MAD1L1: variants seen among roughly 807,000 people sequenced by gnomAD.
MAD1L1 encodes mitotic spindle assembly checkpoint protein MAD1.
Under a neutral mutation model 96.9 loss-of-function variants are expected in MAD1L1, and 95 were observed. That is an observed-to-expected ratio of 0.98 (90% CI 0.83 to 1.16). The LOEUF is 1.16. Among genes scored for constraint, MAD1L1 ranks in the 50% most tolerant of loss-of-function variants. The pLI, the probability that MAD1L1 is intolerant of heterozygous loss-of-function variation, is 0.00. For synonymous variants in MAD1L1, 473 were observed against 396.6 expected, an observed-to-expected ratio of 1.19 and a Z score of -2.29; for missense variants, 1,007 against 954.4, an observed-to-expected ratio of 1.06 and a Z score of -0.73.
intron 12 of MAD1L1, among the ~76,000 whole-genome samples, chr7:2,015,222 C>T (rs1006277079): frequency 2.0e-5 from 3 of 152,180 alleles, no homozygotes; most frequent in Non-Finnish European, 2.9e-5. Context: ...ACCCATCGCT[C>T]GTCCAACCGC....
rs1434780813 is a variant in MAD1L1, at chr7:1,950,129, T to C, written c.1596+7500A>G. On this transcript the variant is annotated intron_variant, in intron 16 of 18. Coordinates refer to ENST00000265854, the MANE Select transcript of MAD1L1 (RefSeq NM_001013836.2). ...CTCGTGGGCCAGGCGTGCATGCCCA[T>C]GCCTGCCCAGGCAGCAGACGCAGGG... Among the ~76,000 whole-genome samples, 6 of 152,168 alleles carry C rather than the reference T, an allele frequency of 3.9e-5. No homozygotes were observed. The East Asian group carries it at 1.2e-3, about 29-fold the overall frequency.
rs1281140411 is a variant in MAD1L1, at chr7:2,142,246, A to C, written c.1073+6906T>G. Among the ~76,000 whole-genome samples, 5 of 152,360 alleles carry C rather than the reference A, an allele frequency of 3.3e-5. No homozygotes were observed. Among genetic ancestry groups the C allele is most frequent in the African/African-American group, 1.2e-4 (5 of 41,588 alleles). ...GCCTTCGCCAAAGAACAAGGCAGGCACGTGCCAGCATCCGCACTGGAACCA... is the reference window on the plus strand; with the variant it reads ...GCCTTCGCCAAAGAACAAGGCAGGCCCGTGCCAGCATCCGCACTGGAACCA... On this transcript the variant is annotated intron_variant, in intron 11 of 18. Coordinates refer to ENST00000265854, the MANE Select transcript of MAD1L1 (RefSeq NM_001013836.2). This position sits in a 1 kb window ranked among gnomAD's most constrained non-coding sequence, Gnocchi z 4.7.
chr7:1,995,463 C>A (rs1043571048), intron 14 of MAD1L1, among the ~76,000 whole-genome samples: 8 of 152,312 alleles, frequency 5.3e-5, no homozygotes, highest in African/African-American at 1.9e-4. Context: ...GAAGCACCTG[C>A]CTGTGGCCAC....
At chr7:1,963,669 G>A (rs766226633) in intron 15 of MAD1L1, among the ~76,000 whole-genome samples, 10 of 152,182 alleles carry the variant, frequency 6.6e-5, no homozygotes, top group African/African-American at 1.9e-4. Context: ...ACATGCTTCC[G>A]GAGGCGAGGC....
intron 18 of MAD1L1, among the ~76,000 whole-genome samples, chr7:1,859,516 C>T (rs1396812323): frequency 6.6e-6 from 1 of 152,222 alleles, no homozygotes; most frequent in Non-Finnish European, 1.5e-5. Context: ...CTGGAAGCCC[C>T]ACAAGTGGGA....
intron 10 of MAD1L1, among the ~76,000 whole-genome samples, chr7:2,183,671 A>G (rs951447461): frequency 6.6e-6 from 1 of 151,356 alleles, no homozygotes; most frequent in Non-Finnish European, 1.5e-5. Context: ...CAAACACCGC[A>G]TGTTCTCACT....
chr7:2,032,088 C>T (rs4470910), intron 12 of MAD1L1, among the ~76,000 whole-genome samples: 24,987 of 152,284 alleles, frequency 0.16, 2,610 homozygotes, highest in Middle Eastern at 0.3. Context: ...AGGCACACTC[C>T]GGGCCTTGTG....
intron 3 of MAD1L1, among the ~76,000 whole-genome samples, chr7:2,229,208 G>C (rs897598455): frequency 6.6e-6 from 1 of 152,172 alleles, no homozygotes; most frequent in African/African-American, 2.4e-5. Context: ...ACCGCAGCAG[G>C]GACTGGGAAA....
intron 11 of MAD1L1, among the ~76,000 whole-genome samples, chr7:2,116,377 C>T (rs905114404): frequency 6.6e-6 from 1 of 152,234 alleles, no homozygotes; most frequent in Non-Finnish European, 1.5e-5. Context: ...ACAAACGCTT[C>T]CTGAACGGGA....
chr7:1,908,563 A>C (rs532839629), intron 17 of MAD1L1, among the ~76,000 whole-genome samples: 2 of 152,186 alleles, frequency 1.3e-5, no homozygotes, highest in South Asian at 4.1e-4. Context: ...ATATATTTTT[A>C]GGGTCTTTCT....
At chr7:1,857,335 CG>C in intron 18 of MAD1L1, among the ~76,000 whole-genome samples, 1 of 152,260 alleles carries the variant, frequency 6.6e-6, no homozygotes, top group East Asian at 1.9e-4. Flanking sequence ...TTGCTGTGCT[CG>C]GGGGGCGGCA....
chr7:2,144,384 G>C (rs1197507432), intron 11 of MAD1L1, among the ~76,000 whole-genome samples: 1 of 152,206 alleles, frequency 6.6e-6, no homozygotes, highest in Non-Finnish European at 1.5e-5. Flanking sequence ...ACGGGGTCCT[G>C]AGAGGCCCCG....
At position 2,216,158 on chromosome 7, in the gene MAD1L1, G is replaced by C; in HGVS notation, c.808C>G (p.Arg270Gly). Residue 270 changes from arginine (R) to glycine (G), a missense_variant and splice_region_variant, in exon 8 of 19, where the codon CGG (arginine) becomes GGG (glycine). Transcript: ENST00000265854. ...GCCCCATCCCCCGCAACCCCTCACC[G>C]CAGGTGCGCGCTCTCCTCCCGCAGC... ...KQLREESAHL[R>G]EMRETNGLLQ... 6.2e-7 allele frequency: 1 copy of C among 1,612,224 alleles called. No homozygotes were observed. The highest frequency in any genetic ancestry group is 8.5e-7 in the Non-Finnish European group (1 of 1,179,666).
intron 3 of MAD1L1, among the ~76,000 whole-genome samples, chr7:2,228,188 C>T (rs887708669): frequency 6.6e-6 from 1 of 152,086 alleles, no homozygotes; most frequent in Non-Finnish European, 1.5e-5. Context: ...TGGGGGCCTC[C>T]GAGCCCCAAG....
intron 14 of MAD1L1, among the ~76,000 whole-genome samples, chr7:1,992,264 C>T (rs992274471): frequency 2.6e-5 from 4 of 152,236 alleles, no homozygotes; most frequent in Non-Finnish European, 5.9e-5. Flanking sequence ...TTTACACTCA[C>T]GGAGGAGCGT....
intron 15 of MAD1L1, among the ~76,000 whole-genome samples, chr7:1,961,533 A>C (rs111324263): frequency 0.019 from 2,967 of 152,376 alleles, 48 homozygotes; most frequent in Non-Finnish European, 0.031. Flanking sequence ...TCTTGGGGGA[A>C]ATAAAGAATT....
rs375005094 is a variant in MAD1L1 at position 2,002,188 on chromosome 7, G to A, written c.1360-67C>T. The A allele has an allele frequency of 2.0e-5, 29 of 1,477,310 alleles. 1 individual carries two copies. In the South Asian group the frequency reaches 3.2e-4, roughly 16 times the overall value. 91.5% of individuals were successfully genotyped at this position (1,477,310 alleles called of 1,614,324 possible). A position where few individuals can be genotyped will look rare whatever the true frequency, so the allele number is the denominator to read the frequency against. Reference sequence around the variant, plus strand: ...CAGGCCCCATTTCTAGGACTGCAGGGAACACAACCCCCACCACCCCGCAGC... The same window carrying A: ...CAGGCCCCATTTCTAGGACTGCAGGAAACACAACCCCCACCACCCCGCAGC... On this transcript the variant is annotated intron_variant, in intron 13 of 18. Coordinates refer to ENST00000265854, the MANE Select transcript of MAD1L1 (RefSeq NM_001013836.2).
At chr7:1,878,156 C>T (rs748379611) in intron 18 of MAD1L1, among the ~76,000 whole-genome samples, 1 of 152,126 alleles carries the variant, frequency 6.6e-6, no homozygotes, top group Non-Finnish European at 1.5e-5. Flanking sequence ...AGTTCTATAT[C>T]TATTAAATTA....
At position 1,825,440 on chromosome 7, in the gene MAD1L1, C is replaced by T. The variant is rs559719728; in HGVS notation, c.1999-9212G>A. 3.9e-5 allele frequency among the ~76,000 whole-genome samples: 6 copies of T among 152,358 alleles called. No homozygotes were observed. In the East Asian group the frequency reaches 1.2e-3, roughly 29 times the overall value. On this transcript the variant is annotated intron_variant, in intron 18 of 18. Coordinates refer to ENST00000265854, the MANE Select transcript of MAD1L1 (RefSeq NM_001013836.2). ...TGGGTCACAGCGTGAGCCCAGCCAG[C>T]TGGTTGGGGTGGGTGGCGCTGGTCA...
Sources: gnomAD v4.1 joint callset for allele counts (sites outside exome capture counted in the v4.1 genomes callset) on GRCh38, gnomAD v4.1.1 for gene constraint, Gnocchi (gnomAD v3.1) non-coding constraint, MANE v1.5 for transcripts, NCBI Gene and HGNC (gene_info 2026-07-23, HGNC 2026-07-21) for gene names.